The following LRRD1 variants were observed in gnomAD, a reference collection of about 807,000 sequenced individuals.
LRRD1 encodes leucine-rich repeat and death domain-containing protein 1.
In LRRD1, 49 loss-of-function variants were observed where a neutral mutation model predicts 69.5. The observed-to-expected ratio is 0.70, with a 90% CI of 0.56 to 0.89. The LOEUF is 0.89. Among genes scored for constraint, LRRD1 ranks in the 40% least tolerant of loss-of-function variants. The pLI is 0.00. For missense variants in LRRD1, 853 were observed against 956.0 expected, an observed-to-expected ratio of 0.89 and a Z score of 1.42; for synonymous variants, 303 against 338.9, an observed-to-expected ratio of 0.89 and a Z score of 1.16.
At chr7:92,157,016 CAT>C (rs1788672428) in intron 3 of LRRD1, among the ~76,000 whole-genome samples, 1 of 136,500 alleles carries the variant, frequency 7.3e-6, no homozygotes, top group Non-Finnish European at 1.6e-5. Context: ...TGTATTTTTT[CAT>C]ATGATATTTG....
rs572822044 is a variant in LRRD1 at position 92,171,377 on chromosome 7, T to G, written c.-74-6101A>C. Among the ~76,000 whole-genome samples, 10 of 152,068 alleles carry G rather than the reference T, an allele frequency of 6.6e-5. No homozygotes were observed. The South Asian group carries it at 2.1e-3, about 32-fold the overall frequency. ...GAGACCACATAAATACAAAGAATCA[T>G]TAGAGACTATTAAGAACAACAATAC... On this transcript the variant is annotated intron_variant, in intron 1 of 5. Coordinates refer to ENST00000458448, the MANE Select transcript of LRRD1 (RefSeq NM_001161528.2).
chr7:92,146,708 G>T (rs374459749), intron 4 of LRRD1, among the ~76,000 whole-genome samples: 46 of 151,062 alleles, frequency 3.0e-4, no homozygotes, highest in African/African-American at 1.0e-3. Context: ...ATCACCTGAG[G>T]TCGGGAGTTC....
downstream of LRRD1, among the ~76,000 whole-genome samples, chr7:92,144,097 T>C (rs1427748849): frequency 1.3e-5 from 2 of 152,184 alleles, no homozygotes; most frequent in African/African-American, 4.8e-5. Context: ...GGCCACTCTA[T>C]CAATCCTGTC....
chr7:92,143,140 C>T (rs369255251), downstream of LRRD1, among the ~76,000 whole-genome samples: 5 of 152,048 alleles, frequency 3.3e-5, no homozygotes, highest in Non-Finnish European at 1.5e-5. Context: ...TACAGAGTGT[C>T]GATTGGTGTA....
intron 4 of LRRD1, among the ~76,000 whole-genome samples, chr7:92,148,952 T>C (rs1820399340): frequency 6.6e-6 from 1 of 152,182 alleles, no homozygotes; most frequent in African/African-American, 2.4e-5. Flanking sequence ...TTTCACCATG[T>C]TGGCCAGGCT....
At chr7:92,178,595 A>C (rs1651092850) in intron 1 of LRRD1, among the ~76,000 whole-genome samples, 1 of 151,036 alleles carries the variant, frequency 6.6e-6, no homozygotes, top group Non-Finnish European at 1.5e-5. Context: ...ACTTGAACCC[A>C]GGAGGCAGAG....
Position 92,174,788 on chromosome 7 carries a change from G to A in LRRD1, c.-75+4219C>T, listed in dbSNP as rs188585464. On this transcript the variant is annotated intron_variant, in intron 1 of 5. Coordinates refer to ENST00000458448, the MANE Select transcript of LRRD1 (RefSeq NM_001161528.2). The stretch of plus-strand genomic sequence containing the variant: ...AAGATAATCTATGTCCAGGCTGGGC[G>A]TGGTGGCTCACACCTGTAATCCCAG... Among the ~76,000 whole-genome samples the A allele has an allele frequency of 2.0e-3, 302 of 151,952 alleles. 1 individual carries two copies. The highest frequency in any genetic ancestry group is 6.7e-3 in the African/African-American group (276 of 41,442).
chr7:92,153,404 T>C (rs955228881), intron 3 of LRRD1, among the ~76,000 whole-genome samples: 1 of 152,120 alleles, frequency 6.6e-6, no homozygotes, highest in African/African-American at 2.4e-5. Flanking sequence ...TCTTAGTAAA[T>C]TATCTGTTCA....
chr7:92,146,082 C>A lies in LRRD1; in HGVS notation c.2396+1G>T. ...TACTAAATGCTGTCATTTATACATA[C>A]CTCTTTGTAGGCATATCAGTTTCTG... On this transcript the variant is annotated splice_donor_variant, in intron 5 of 5. Coordinates refer to ENST00000458448, the MANE Select transcript of LRRD1 (RefSeq NM_001161528.2). LOFTEE classifies it high-confidence loss of function. The A allele has an allele frequency of 6.8e-7, 1 of 1,466,170 alleles. No homozygotes were observed. Among genetic ancestry groups the A allele is most frequent in the Non-Finnish European group, 9.2e-7 (1 of 1,089,418 alleles). 90.8% of individuals were successfully genotyped at this position (1,466,170 alleles called of 1,614,324 possible).
intron 3 of LRRD1, among the ~76,000 whole-genome samples, chr7:92,150,949 T>C (rs764106520): frequency 6.6e-6 from 1 of 152,198 alleles, no homozygotes; most frequent in Non-Finnish European, 1.5e-5. Flanking sequence ...AAGAACTTTA[T>C]AGAGTGGATG....
chr7:92,161,163 G>A (rs1255675863), intron 2 of LRRD1, among the ~76,000 whole-genome samples: 3 of 152,204 alleles, frequency 2.0e-5, no homozygotes, highest in Non-Finnish European at 4.4e-5. Flanking sequence ...TTCCTTTTGG[G>A]CATCCTTCCT....
At chr7:92,142,894 TTA>T, downstream of LRRD1, 1 of 345,446 alleles carries the variant, frequency 2.9e-6, no homozygotes, top group Non-Finnish European at 5.7e-6. Context: ...GCAGCAAGAT[TTA>T]TTGCAAAGAG....
Position 92,176,384 on chromosome 7 carries a change from T to C in LRRD1, c.-75+2623A>G, listed in dbSNP as rs561825206. Among the ~76,000 whole-genome samples the C allele has an allele frequency of 4.6e-5, 7 of 152,306 alleles. No individual in the cohort carries two copies. In the South Asian group the frequency reaches 1.2e-3, roughly 27 times the overall value. On this transcript the variant is annotated intron_variant, in intron 1 of 5. Coordinates refer to ENST00000458448, the MANE Select transcript of LRRD1 (RefSeq NM_001161528.2). ...CAACTTTATACATTCTCCTAGACTT[T>C]CTATAAAGACAATATTCTAAGTATT...
chr7:92,167,856 A>G (rs1788945467), intron 1 of LRRD1, among the ~76,000 whole-genome samples: 2 of 124,684 alleles, frequency 1.6e-5, no homozygotes, highest in African/African-American at 3.2e-5. Context: ...CAGCCTGGGC[A>G]ACACAGCGAG....
At chr7:92,142,130 G>A (rs375272890), downstream of LRRD1, 18 of 184,428 alleles carry the variant, frequency 9.8e-5, no homozygotes, top group East Asian at 2.8e-3. Flanking sequence ...TTTTAGTAGA[G>A]ACAGGGTTTC....
At chr7:92,142,853 A>G, downstream of LRRD1, 1 of 397,636 alleles carries the variant, frequency 2.5e-6, no homozygotes, top group Non-Finnish European at 4.9e-6. Context: ...GTTACAGCTC[A>G]TAAAGGCAGT....
chr7:92,153,845 A>G (rs1271954497), intron 3 of LRRD1, among the ~76,000 whole-genome samples: 2 of 152,018 alleles, frequency 1.3e-5, no homozygotes, highest in African/African-American at 4.8e-5. Flanking sequence ...AAATAAAAAA[A>G]TTTTAAAAAG....
rs373693326 is a variant in LRRD1 at position 92,148,407 on chromosome 7, G to A, written c.2278+2127C>T. 3.3e-5 allele frequency among the ~76,000 whole-genome samples: 5 copies of A among 152,092 alleles called. 1 individual carries two copies. Among genetic ancestry groups the A allele is most frequent in the African/African-American group, 2.4e-5 (1 of 41,480 alleles). On this transcript the variant is annotated intron_variant, in intron 4 of 5. Coordinates refer to ENST00000458448, the MANE Select transcript of LRRD1 (RefSeq NM_001161528.2). ...TTCAGAACTCGAGATGTACCATCCCGCGTGATCAAATATGTTCTATTTTAA... is the reference window on the plus strand; with the variant it reads ...TTCAGAACTCGAGATGTACCATCCCACGTGATCAAATATGTTCTATTTTAA...
rs1789226403 is a variant in LRRD1 at position 92,177,617 on chromosome 7, T to C, written c.-75+1390A>G. Among the ~76,000 whole-genome samples the C allele has an allele frequency of 2.0e-5, 3 of 152,310 alleles. No homozygotes were observed. In the South Asian group the frequency reaches 6.2e-4, roughly 32 times the overall value. ...TTCAAGGCTGTCTGCTTGCAAGATT[T>C]ATGTTCTAGTCAGCTGTCTTCCATA... is the stretch of plus-strand genomic sequence containing the variant. On this transcript the variant is annotated intron_variant, in intron 1 of 5. Coordinates refer to ENST00000458448, the MANE Select transcript of LRRD1 (RefSeq NM_001161528.2).
Sources: allele counts gnomAD v4.1 joint callset (sites outside exome capture counted in the v4.1 genomes callset), GRCh38; gene constraint gnomAD v4.1.1; transcripts MANE v1.5; gene names NCBI Gene and HGNC (gene_info 2026-07-23, HGNC 2026-07-21).